NEGR1: variants seen among roughly 807,000 people sequenced by gnomAD.
The protein encoded by NEGR1 is neuronal growth regulator 1, also known as IgLON family member 4.
NEGR1 carries 10 observed loss-of-function variants against 40.9 expected under a neutral mutation model. That is an observed-to-expected ratio of 0.24 (90% CI 0.15 to 0.42). The LOEUF (loss-of-function observed/expected upper bound fraction) is 0.42, where lower values mean the gene tolerates loss of function less well. Ranked by LOEUF, NEGR1 falls within the 10% of genes least tolerant of loss-of-function variation. The pLI is 1.00. For synonymous variants in NEGR1, 185 were observed against 166.8 expected (o/e 1.11, Z -0.84); for missense variants, 352 against 438.9 (o/e 0.80, Z 1.77).
chr1:71,697,832 G>T (rs1419458671), intron 4 of NEGR1, 176 bp downstream of exon 4: 2 of 594,380 alleles, frequency 3.4e-6, no homozygotes, highest in Admixed American at 3.1e-5. Flanking sequence ...TGGGACAATT[G>T]TTGTTACATT....
At chr1:72,177,902 A>G (rs954865114) in intron 1 of NEGR1, among the ~76,000 whole-genome samples, 4 of 152,032 alleles carry the variant, frequency 2.6e-5, no homozygotes, top group African/African-American at 9.7e-5. Flanking sequence ...CATTGAGAAG[A>G]GCAGAATGAC....
intron 3 of NEGR1, among the ~76,000 whole-genome samples, chr1:71,767,182 G>A (rs772964756): frequency 7.9e-5 from 12 of 152,160 alleles, no homozygotes; most frequent in Non-Finnish European, 1.8e-4. Context: ...GGTTGGAAGA[G>A]TTTGGAGGGC....
chr1:71,656,650 T>C (rs1157687430), intron 4 of NEGR1, among the ~76,000 whole-genome samples: 1 of 152,194 alleles, frequency 6.6e-6, no homozygotes, highest in Non-Finnish European at 1.5e-5. Context: ...TCCGCCCGCC[T>C]CGGCCTCCCG....
chr1:72,242,580 TTC>T (rs1168293000), intron 1 of NEGR1, among the ~76,000 whole-genome samples: 1 of 151,648 alleles, frequency 6.6e-6, no homozygotes, highest in Non-Finnish European at 1.5e-5. Context: ...GTTTAACAAA[TTC>T]TGTTACTATA....
At chr1:72,180,978 T>C (rs1380742223) in intron 1 of NEGR1, among the ~76,000 whole-genome samples, 2 of 152,080 alleles carry the variant, frequency 1.3e-5, no homozygotes, top group Admixed American at 1.3e-4. Flanking sequence ...TGGTGCACCA[T>C]GTCTGATGGG....
At chr1:71,870,102 A>T (rs1212212306) in intron 2 of NEGR1, among the ~76,000 whole-genome samples, 1 of 150,876 alleles carries the variant, frequency 6.6e-6, no homozygotes, top group Non-Finnish European at 1.5e-5. Flanking sequence ...CTGGTCTTGA[A>T]CTCCTGACCT....
chr1:72,059,620 G>T (rs1002463776), intron 1 of NEGR1, among the ~76,000 whole-genome samples: 1 of 151,514 alleles, frequency 6.6e-6, no homozygotes, highest in East Asian at 1.9e-4. Flanking sequence ...ATAGTAAAGA[G>T]ATTTTAATAG....
intron 2 of NEGR1, among the ~76,000 whole-genome samples, chr1:71,840,193 A>G (rs1659189085): frequency 6.6e-6 from 1 of 152,132 alleles, no homozygotes; most frequent in Non-Finnish European, 1.5e-5. Context: ...ATCAGTAAAC[A>G]TTGTACATCA....
chr1:71,881,968 C>T (rs1388150651), intron 2 of NEGR1, among the ~76,000 whole-genome samples: 1 of 152,060 alleles, frequency 6.6e-6, no homozygotes, highest in Non-Finnish European at 1.5e-5. Flanking sequence ...ATTTCAGCTG[C>T]AGATGTTTCC....
intron 2 of NEGR1, among the ~76,000 whole-genome samples, chr1:71,901,387 C>T (rs1176665241): frequency 2.0e-5 from 3 of 152,112 alleles, no homozygotes; most frequent in African/African-American, 4.8e-5. Flanking sequence ...CATCTTTCTT[C>T]GCTAGAATGT....
intron 3 of NEGR1, among the ~76,000 whole-genome samples, chr1:71,765,969 T>C (rs1656109269): frequency 6.6e-6 from 1 of 151,500 alleles, no homozygotes; most frequent in Admixed American, 6.6e-5. Flanking sequence ...AGGTCAGGAG[T>C]TCGAGACCAA....
intron 6 of NEGR1, among the ~76,000 whole-genome samples, chr1:71,444,574 A>G (rs982414909): frequency 6.6e-6 from 1 of 152,148 alleles, no homozygotes; most frequent in Non-Finnish European, 1.5e-5. Context: ...GCCATACAAA[A>G]ACAAGAAGTG....
chr1:71,834,227 C>T (rs1332718079), intron 2 of NEGR1, among the ~76,000 whole-genome samples: 11 of 152,118 alleles, frequency 7.2e-5, no homozygotes, highest in Admixed American at 4.6e-4. Context: ...TATTCACTTA[C>T]TGGTATGATG....
intron 1 of NEGR1, among the ~76,000 whole-genome samples, chr1:72,212,056 C>A (rs1373586390): frequency 6.6e-6 from 1 of 151,838 alleles, no homozygotes; most frequent in Non-Finnish European, 1.5e-5. Context: ...AAGGAATATG[C>A]TCATGATAGA....
intron 2 of NEGR1, among the ~76,000 whole-genome samples, chr1:71,780,322 T>C (rs1656668540): frequency 1.3e-5 from 2 of 152,214 alleles, no homozygotes; most frequent in Non-Finnish European, 2.9e-5. Flanking sequence ...TATTGATGAG[T>C]GTAAACTCAT....
chr1:72,214,905 T>C (rs556584065), intron 1 of NEGR1, among the ~76,000 whole-genome samples: 1 of 150,988 alleles, frequency 6.6e-6, no homozygotes, highest in Admixed American at 6.6e-5. Context: ...AGAGTCTGTA[T>C]AGCCAATACA....
intron 1 of NEGR1, among the ~76,000 whole-genome samples, chr1:72,170,130 T>G (rs1378605984): frequency 6.6e-6 from 1 of 152,168 alleles, no homozygotes; most frequent in Admixed American, 6.5e-5. Context: ...TTCTCCTGTT[T>G]TAGATAGTTC....
chr1:71,865,815 G>A (rs1162704316), intron 2 of NEGR1, among the ~76,000 whole-genome samples: 1 of 152,006 alleles, frequency 6.6e-6, no homozygotes, highest in East Asian at 1.9e-4. Flanking sequence ...TGCTTTTCTT[G>A]TTTCCAATTT....
intron 1 of NEGR1, among the ~76,000 whole-genome samples, chr1:72,035,061 A>T (rs1282348142): frequency 2.6e-5 from 4 of 152,104 alleles, no homozygotes; most frequent in Non-Finnish European, 5.9e-5. Context: ...ACATTTGCAT[A>T]ATAAAAGACT....
Sources: gnomAD v4.1 joint callset for allele counts (sites outside exome capture counted in the v4.1 genomes callset) on GRCh38, gnomAD v4.1.1 for gene constraint, MANE v1.5 for transcripts, NCBI Gene and HGNC (gene_info 2026-07-23, HGNC 2026-07-21) for gene names.